Variants in MAP3K14 observed in about 807,000 individuals in gnomAD.
MAP3K14 encodes mitogen-activated protein kinase kinase kinase 14.
MAP3K14 carries 16 observed loss-of-function variants against 99.2 expected under a neutral mutation model. The observed-to-expected ratio is 0.16, with a 90% CI of 0.11 to 0.24. The LOEUF (loss-of-function observed/expected upper bound fraction) is 0.24. Ranked by LOEUF, MAP3K14 falls within the 10% of genes least tolerant of loss-of-function variation. MAP3K14 has a pLI of 1.00. For synonymous variants in MAP3K14, 462 were observed against 492.4 expected, an observed-to-expected ratio of 0.94 and a Z score of 0.82; for missense variants, 784 against 1,208.7, an observed-to-expected ratio of 0.65 and a Z score of 5.21.
chr17:45,303,558 C>T (rs2044406987), intron 1 of MAP3K14, among the ~76,000 whole-genome samples: 1 of 152,070 alleles, frequency 6.6e-6, no homozygotes, highest in Non-Finnish European at 1.5e-5. Context: ...GAGACTCCAT[C>T]TCAAAAATTT....
intron 3 of MAP3K14, among the ~76,000 whole-genome samples, chr17:45,288,278 A>G (rs2044283440): frequency 1.3e-5 from 2 of 152,202 alleles, no homozygotes; most frequent in Admixed American, 6.5e-5. Context: ...CAAGGCAGCC[A>G]GCTGCCCTCC....
chr17:45,266,842 T>C (rs1002347225), intron 13 of MAP3K14, among the ~76,000 whole-genome samples, 161 bp from the exon 14 acceptor site: 1 of 152,236 alleles, frequency 6.6e-6, no homozygotes. Flanking sequence ...CCATTATCTC[T>C]GGTGGCAAAA....
At chr17:45,305,472 T>C (rs549343311) in intron 1 of MAP3K14, among the ~76,000 whole-genome samples, 2 of 145,926 alleles carry the variant, frequency 1.4e-5, no homozygotes, top group South Asian at 2.3e-4. Context: ...CTTGGCTCAC[T>C]GCAACCTCCA....
chr17:45,311,260 C>A (rs191621303), intron 1 of MAP3K14, among the ~76,000 whole-genome samples: 1 of 152,280 alleles, frequency 6.6e-6, no homozygotes, highest in East Asian at 1.9e-4. Flanking sequence ...TTTAGCCATG[C>A]CAGCAGGAGG....
chr17:45,274,329 C>T, intron 7 of MAP3K14, 75 bp from the exon 8 acceptor site: 2 of 1,573,264 alleles, frequency 1.3e-6, no homozygotes, highest in Non-Finnish European at 1.7e-6. Flanking sequence ...GAGCACAGGG[C>T]AGGCAGTGGA....
At chr17:45,314,229 C>T (rs114681863) in intron 1 of MAP3K14, among the ~76,000 whole-genome samples, 5,120 of 152,300 alleles carry the variant, frequency 0.034, 220 homozygotes, top group African/African-American at 0.097. Flanking sequence ...TACAATTTGC[C>T]CTACGTCTGG....
chr17:45,296,664 ACCCTTTCTG>A (rs2044348597), intron 1 of MAP3K14, among the ~76,000 whole-genome samples: 1 of 152,120 alleles, frequency 6.6e-6, no homozygotes, highest in Non-Finnish European at 1.5e-5. Flanking sequence ...TCCCCTTTCT[ACCCTTTCTG>A]CCCTTCCTAC....
At chr17:45,305,749 C>T (rs1352715866) in intron 1 of MAP3K14, among the ~76,000 whole-genome samples, 1 of 152,164 alleles carries the variant, frequency 6.6e-6, no homozygotes, top group Non-Finnish European at 1.5e-5. Flanking sequence ...AGCCTACCTC[C>T]CACAGCTTCT....
chr17:45,300,721 T>C (rs530275922), intron 1 of MAP3K14, among the ~76,000 whole-genome samples: 1 of 152,192 alleles, frequency 6.6e-6, no homozygotes, highest in South Asian at 2.1e-4. Flanking sequence ...CCCCACTCCC[T>C]TTTACTCATT....
chr17:45,267,508 G>C lies in MAP3K14; in HGVS notation c.2224C>G (p.Pro742Ala). The change falls in exon 12 of 16, where the codon CCC (proline) becomes GCC (alanine). Residue 742 changes from proline to alanine, a missense_variant. Transcript: ENST00000344686. The surrounding 1 kb of genome is among the most constrained non-coding windows in gnomAD (Gnocchi z 5.1). ...GGCTCCAGGGAGGACAGAGGTAAGG[G>C]TTCCCACATCCCAGACTCCTCCTTG... ...LSKEESGMWE[P>A]LPLSSLEPAP... 1 of 1,613,078 alleles carries C rather than the reference G, an allele frequency of 6.2e-7. No homozygotes were observed. The highest frequency in any genetic ancestry group is 8.5e-7 in the Non-Finnish European group (1 of 1,179,454).
rs569332033 is a variant in MAP3K14 at position 45,273,480 on chromosome 17, C to T, written c.1657+23G>A. 5.9e-5 allele frequency: 93 copies of T among 1,571,260 alleles called. No homozygotes were observed. The Admixed American group carries it at 6.4e-4, about 11-fold the overall frequency. ...TGGCGAATGAATGCATTGGGGGGCA[C>T]GGCAGTTGGTGGGGGGCCTTACCTG... On this transcript the variant is annotated intron_variant, in intron 9 of 15. Coordinates refer to ENST00000344686, the MANE Select transcript of MAP3K14 (RefSeq NM_003954.5).
Position 45,274,525 on chromosome 17 carries a change from G to A in MAP3K14, c.1359C>T (p.Val453=), listed in dbSNP as rs771040753. ...CTTCTCTCACAGCTCCATACAAAGG[G>A]ACAATTCTGGGTGAGGTCAATCCTG... ...ACAGLTSPRI[V]PLYGAVREGP... Residue 453 remains valine (V), a synonymous_variant, in exon 7 of 16, where the codon GTC becomes GTT. Coordinates refer to ENST00000344686, the MANE Select transcript of MAP3K14 (RefSeq NM_003954.5). 94 of 1,613,850 alleles carry A rather than the reference G, an allele frequency of 5.8e-5. No homozygotes were observed. The highest frequency in any genetic ancestry group is 7.6e-5 in the Non-Finnish European group (90 of 1,179,886).
intron 6 of MAP3K14, among the ~76,000 whole-genome samples, chr17:45,276,121 G>C (rs2044178414): frequency 6.6e-6 from 1 of 152,126 alleles, no homozygotes; most frequent in African/African-American, 2.4e-5. Context: ...TGTTTATTCT[G>C]TTTGCAGCTG....
intron 1 of MAP3K14, 95 bp from the exon 2 acceptor site, chr17:45,290,860 G>A (rs962488588): frequency 3.2e-5 from 40 of 1,234,224 alleles, no homozygotes; most frequent in Non-Finnish European, 4.2e-5. Flanking sequence ...CAGGGGCAAA[G>A]GGTCTCTGCC....
chr17:45,286,713 T>C lies in MAP3K14; in HGVS notation c.870A>G (p.Val290=), dbSNP rs1219255115. The change falls in exon 5 of 16, where the codon GTA becomes GTG. Residue 290 remains valine (V), a synonymous_variant. Coordinates refer to ENST00000344686, the MANE Select transcript of MAP3K14 (RefSeq NM_003954.5). The surrounding 1 kb of genome is among the most constrained non-coding windows in gnomAD (Gnocchi z 4.1). Reference sequence around the variant, plus strand: ...GGTCAGGCAAGGGTTTCTGGCTGTCTACACAGGCCAGTTTGCCCAGGAAGG... The same window carrying C: ...GGTCAGGCAAGGGTTTCTGGCTGTCCACACAGGCCAGTTTGCCCAGGAAGG... The part of the protein sequence containing the change: ...LESFLGKLAC[V]DSQKPLPDPH... 1.4e-5 allele frequency: 23 copies of C among 1,610,024 alleles called. No homozygotes were observed. Among genetic ancestry groups the C allele is most frequent in the Middle Eastern group, 1.7e-4 (1 of 6,058 alleles).
In MAP3K14 at chr17:45,287,099, T is replaced by TCCAATTTCAAGGCC. The variant is rs1287174166; in HGVS notation, c.537+41_537+54dup. ...AGAGGGCCAGGGCCCAGGGACAGGC[T>TCCAATTTCAAGGCC]CCAATTTCAAGGCCCCATGAACCTG... On this transcript the variant is annotated intron_variant, in intron 4 of 15. Transcript: ENST00000344686. The TCCAATTTCAAGGCC allele has an allele frequency of 3.4e-5, 55 of 1,602,044 alleles. No homozygotes were observed. The East Asian group carries it at 1.1e-3, about 32-fold the overall frequency.
intron 1 of MAP3K14, among the ~76,000 whole-genome samples, chr17:45,304,344 A>C (rs1029541189): frequency 1.3e-5 from 2 of 152,214 alleles, no homozygotes; most frequent in African/African-American, 4.8e-5. Context: ...ATTGGAAGGT[A>C]CAGATGTATC....
chr17:45,270,796 G>T, intron 10 of MAP3K14: 1 of 753,302 alleles, frequency 1.3e-6, no homozygotes, highest in Non-Finnish European at 2.1e-6. Context: ...TCCAGGCCCG[G>T]CCCGTTAGGA....
chr17:45,269,536 C>T (rs2143779339), intron 11 of MAP3K14, among the ~76,000 whole-genome samples: 1 of 152,172 alleles, frequency 6.6e-6, no homozygotes, highest in East Asian at 1.9e-4. Context: ...ATCAGAGAGA[C>T]ATAGGCAGGA....
Sources: gnomAD v4.1 joint callset for allele counts (sites outside exome capture counted in the v4.1 genomes callset) on GRCh38, gnomAD v4.1.1 for gene constraint, Gnocchi (gnomAD v3.1) non-coding constraint, MANE v1.5 for transcripts, NCBI Gene and HGNC (gene_info 2026-07-23, HGNC 2026-07-21) for gene names.